HDAC5: variants seen among roughly 807,000 people sequenced by gnomAD.
HDAC5 encodes histone deacetylase 5.
Under a neutral mutation model 133.3 loss-of-function variants are expected in HDAC5, and 25 were observed. The observed-to-expected ratio is 0.19, with a 90% CI of 0.14 to 0.26. HDAC5 has a LOEUF of 0.26. HDAC5 is among the 10% of genes least tolerant of loss of function. The probability of loss-of-function intolerance (pLI) is 1.00; values close to 1 mark genes in which losing one functional copy is unlikely to be tolerated. For missense variants in HDAC5, 1,041 were observed against 1,460.5 expected (o/e 0.71, Z 4.68); for synonymous variants, 589 against 610.8 (o/e 0.96, Z 0.53).
At chr17:44,102,668 T>C (rs748877768) in intron 3 of HDAC5, among the ~76,000 whole-genome samples, 28 of 15,366 alleles carry the variant, frequency 1.8e-3, no homozygotes, top group Non-Finnish European at 4.7e-3. Flanking sequence ...AGGTTCTCTC[T>C]TTTTTTTTTT....
Position 44,092,450 on chromosome 17 carries a change from G to A in HDAC5, c.850C>T (p.Arg284Cys), listed in dbSNP as rs138137922. The change falls in exon 8 of 27, where the codon CGC becomes TGC. Residue 284 changes from arginine to cysteine, a missense_variant. Arg to Cys is a radical substitution (Grantham distance 180, BLOSUM62 -3). This residue lies in a region of HDAC5 where 433 missense variants were observed against 531.6 expected (regional missense o/e 0.81). Coordinates refer to ENST00000682912, the MANE Select transcript of HDAC5 (RefSeq NM_005474.5). The part of the protein sequence containing the change: ...AERRSSPLLR[R>C]KDGTVISTFK... ...GTGCTAATAACAGTCCCATCCTTGC[G>A]ACGCAGGAGGGGACTGCTTCTCCGC... 15 of 1,613,762 alleles carry A rather than the reference G, an allele frequency of 9.3e-6. No individual in the cohort carries two copies. Among genetic ancestry groups the A allele is most frequent in the African/African-American group, 2.7e-5 (2 of 74,918 alleles).
intron 1 of HDAC5, among the ~76,000 whole-genome samples, chr17:44,122,719 G>A (rs2053086901): frequency 6.6e-6 from 1 of 152,154 alleles, no homozygotes; most frequent in African/African-American, 2.4e-5. Flanking sequence ...CCAGGGAAGG[G>A]TGGGGTGGAG....
At position 44,092,819 on chromosome 17, in the gene HDAC5, G is replaced by GT. The variant is rs1901154112; in HGVS notation, c.642-14_642-13insA. The GT allele has an allele frequency of 1.2e-6, 1 of 848,834 alleles. No homozygotes were observed. The highest frequency in any genetic ancestry group is 1.7e-5 in the African/African-American group (1 of 57,660). 52.6% of individuals were successfully genotyped at this position (848,834 alleles called of 1,614,324 possible). On this transcript the variant is annotated splice_polypyrimidine_tract_variant and intron_variant, in intron 6 of 26. Transcript: ENST00000682912. ...ATGGTGGGCTCCCCTGGGGTGGGGG[G>GT]GGGGTGGGGATGGAAGCAGATCTAG...
At chr17:44,078,754 C>G in intron 25 of HDAC5, 41 bp downstream of exon 25, 2 of 1,610,384 alleles carry the variant, frequency 1.2e-6, no homozygotes, top group Non-Finnish European at 8.5e-7. Context: ...AAGCTCCGTG[C>G]CCCCTTGGCA....
Position 44,079,330 on chromosome 17 carries a change from A to G in HDAC5, c.2945-53T>C. On this transcript the variant is annotated intron_variant, in intron 23 of 26. Transcript: ENST00000682912. Reference sequence around the variant, plus strand: ...AGAAATGGCGAAAGGTAATCAATCAATTCAAGAGCCAGTAAGAGGAGAGAA... The same window carrying G: ...AGAAATGGCGAAAGGTAATCAATCAGTTCAAGAGCCAGTAAGAGGAGAGAA... The G allele has an allele frequency of 5.1e-6, 8 of 1,572,052 alleles. No homozygotes were observed. The South Asian group carries it at 5.6e-5, about 11-fold the overall frequency.
intron 6 of HDAC5, 22 bp from the exon 7 acceptor site, chr17:44,092,828 G>GGGGGGGGGGGC: frequency 3.4e-6 from 2 of 596,642 alleles, no homozygotes; most frequent in Non-Finnish European, 2.9e-6. Context: ...GGGGGGTGGG[G>GGGGGGGGGGGC]ATGGAAGCAG....
Position 44,084,588 on chromosome 17 carries a change from T to C in HDAC5, c.2272A>G (p.Asn758Asp). Residue 758 changes from asparagine (N) to aspartate (D), a missense_variant, in exon 16 of 27, where the codon AAC becomes GAC. This residue lies in a region of HDAC5 where 31 missense variants were observed against 27.0 expected (regional missense o/e 1.15). Transcript: ENST00000682912. Reference sequence around the variant, plus strand: ...TTCTTGCTGTCTAGCTTCTGCCGGTTGAGGGGACTGGTCCCATAGAGCAGG... The same window carrying C: ...TTCTTGCTGTCTAGCTTCTGCCGGTCGAGGGGACTGGTCCCATAGAGCAGG... ...HTLLYGTSPL[N>D]RQKLDSKKLL... 1 of 1,614,108 alleles carries C rather than the reference T, an allele frequency of 6.2e-7. No homozygotes were observed. Among genetic ancestry groups the C allele is most frequent in the African/African-American group, 1.3e-5 (1 of 75,026 alleles).
intron 16 of HDAC5, 91 bp downstream of exon 16, chr17:44,084,464 C>A (rs2050552325): frequency 6.6e-7 from 1 of 1,514,882 alleles, no homozygotes. Flanking sequence ...GTGGGGACAA[C>A]CCTCCTAGCC....
intron 3 of HDAC5, among the ~76,000 whole-genome samples, chr17:44,099,631 C>T (rs566332263): frequency 1.3e-5 from 2 of 152,194 alleles, no homozygotes; most frequent in South Asian, 4.1e-4. Flanking sequence ...CCCGCCACCA[C>T]GCCCAGCTAA....
chr17:44,107,106 G>C (rs2052002167), intron 3 of HDAC5, among the ~76,000 whole-genome samples: 1 of 151,958 alleles, frequency 6.6e-6, no homozygotes, highest in Non-Finnish European at 1.5e-5. Flanking sequence ...TACTGTGCCT[G>C]ATTAATTTTT....
chr17:44,080,966 G>A, intron 20 of HDAC5, 84 bp from the exon 21 acceptor site: 2 of 1,567,854 alleles, frequency 1.3e-6, no homozygotes, highest in Admixed American at 1.7e-5. Flanking sequence ...GAGCACTGTA[G>A]CTCATGCCTG....
At chr17:44,122,808 G>C (rs2053092548) in intron 1 of HDAC5, among the ~76,000 whole-genome samples, 1 of 152,078 alleles carries the variant, frequency 6.6e-6, no homozygotes, top group Non-Finnish European at 1.5e-5. Context: ...TGAAAAATGG[G>C]GGGCATCCAC....
chr17:44,091,960 G>A, intron 9 of HDAC5, 129 bp from the exon 10 acceptor site: 1 of 1,165,442 alleles, frequency 8.6e-7, no homozygotes, highest in African/African-American at 1.5e-5. Flanking sequence ...TCCCACTGAG[G>A]GAGACTGAGC....
chr17:44,095,009 T>C (rs563311406), intron 3 of HDAC5, among the ~76,000 whole-genome samples: 1 of 152,116 alleles, frequency 6.6e-6, no homozygotes, highest in South Asian at 2.1e-4. Flanking sequence ...TTGCCCAGGC[T>C]GAATTAAACT....
chr17:44,099,958 T>C (rs926396711), intron 3 of HDAC5, among the ~76,000 whole-genome samples: 8 of 152,158 alleles, frequency 5.3e-5, no homozygotes, highest in African/African-American at 1.9e-4. Context: ...TGGGGACTTC[T>C]GTGGTAGATT....
At chr17:44,096,089 T>C (rs2051255863) in intron 3 of HDAC5, among the ~76,000 whole-genome samples, 1 of 151,986 alleles carries the variant, frequency 6.6e-6, no homozygotes, top group African/African-American at 2.4e-5. Flanking sequence ...CCAGGACAAC[T>C]GGGCAAACAC....
intron 18 of HDAC5, 96 bp from the exon 19 acceptor site, chr17:44,082,916 G>A: frequency 9.5e-7 from 1 of 1,054,798 alleles, no homozygotes; most frequent in Non-Finnish European, 1.4e-6. Context: ...GCAGGGAAGT[G>A]AACACAAACC....
At chr17:44,122,582 C>CA (rs1421075413) in intron 1 of HDAC5, among the ~76,000 whole-genome samples, 1 of 152,146 alleles carries the variant, frequency 6.6e-6, no homozygotes, top group African/African-American at 2.4e-5. Context: ...GAAGGGGTAT[C>CA]AGCCAGGGGT....
chr17:44,103,889 G>A (rs1206932813), intron 3 of HDAC5, among the ~76,000 whole-genome samples: 2 of 151,696 alleles, frequency 1.3e-5, no homozygotes, highest in Non-Finnish European at 2.9e-5. Context: ...TGTATTTTTA[G>A]TAGAGATGGG....
Sources: gnomAD v4.1 joint callset for allele counts (sites outside exome capture counted in the v4.1 genomes callset) on GRCh38, gnomAD v4.1.1 for gene constraint, gnomAD v4.1.1 regional missense constraint, MANE v1.5 for transcripts, NCBI Gene and HGNC (gene_info 2026-07-23, HGNC 2026-07-21) for gene names.